BEND5: variants seen among roughly 807,000 people sequenced by gnomAD.
The protein encoded by BEND5 is BEN domain containing 5.
BEND5 carries 22 observed loss-of-function variants against 43.9 expected under a neutral mutation model. The ratio of observed to expected loss-of-function variants is 0.50; its 90% CI spans 0.36 to 0.72. The LOEUF is 0.72. Among genes scored for constraint, BEND5 ranks in the 30% least tolerant of loss-of-function variants. BEND5 has a pLI of 0.00. For synonymous variants in BEND5, 228 were observed against 225.9 expected, an observed-to-expected ratio of 1.01 and a Z score of -0.08; for missense variants, 428 against 550.6, an observed-to-expected ratio of 0.78 and a Z score of 2.23.
intron 1 of BEND5, among the ~76,000 whole-genome samples, chr1:48,774,693 G>T (rs1054907476): frequency 1.3e-5 from 2 of 152,210 alleles, no homozygotes; most frequent in Non-Finnish European, 2.9e-5. Flanking sequence ...ACAGCTACAT[G>T]TATCTTGCTT....
intron 5 of BEND5, among the ~76,000 whole-genome samples, chr1:48,729,305 C>T (rs2148549155): frequency 6.6e-6 from 1 of 152,196 alleles, no homozygotes. Flanking sequence ...AATGCTTTTC[C>T]AGGGATACCT....
chr1:48,755,604 C>T (rs1652428440), intron 3 of BEND5, among the ~76,000 whole-genome samples: 1 of 152,192 alleles, frequency 6.6e-6, no homozygotes, highest in African/African-American at 2.4e-5. Flanking sequence ...GAGAGTCAAA[C>T]AAGGGTCTCT....
intron 4 of BEND5, among the ~76,000 whole-genome samples, chr1:48,738,370 G>A (rs987981296): frequency 2.0e-5 from 3 of 152,184 alleles, no homozygotes; most frequent in Non-Finnish European, 1.5e-5. Flanking sequence ...CTGTTCATCC[G>A]CTCAGGAAAG....
chr1:48,759,831 C>G (rs2148658660), intron 2 of BEND5, among the ~76,000 whole-genome samples: 1 of 152,350 alleles, frequency 6.6e-6, no homozygotes. Context: ...CTCTAATCTA[C>G]TCTAATCTAG....
chr1:48,756,296 C>G (rs72681062), intron 3 of BEND5, among the ~76,000 whole-genome samples: 16,447 of 152,172 alleles, frequency 0.11, 1,397 homozygotes, highest in African/African-American at 0.23. Flanking sequence ...CTTCTCTGAC[C>G]CCTCAAAATC....
chr1:48,750,226 C>G (rs1651469891), intron 3 of BEND5, among the ~76,000 whole-genome samples: 1 of 152,144 alleles, frequency 6.6e-6, no homozygotes. Flanking sequence ...CACCCCAGCC[C>G]ACTCCAATGG....
chr1:48,761,049 G>C, intron 2 of BEND5: 1 of 299,180 alleles, frequency 3.3e-6, no homozygotes, highest in South Asian at 5.7e-5. Context: ...CAGAGCTGTG[G>C]GCCAAGGAGA....
At chr1:48,771,940 T>C (rs894661640) in intron 1 of BEND5, among the ~76,000 whole-genome samples, 5 of 152,230 alleles carry the variant, frequency 3.3e-5, no homozygotes, top group African/African-American at 1.2e-4. Flanking sequence ...TGAACAAAGT[T>C]GAATGAAAAC....
chr1:48,763,399 G>T (rs1181651555), intron 1 of BEND5, among the ~76,000 whole-genome samples: 1 of 152,142 alleles, frequency 6.6e-6, no homozygotes, highest in Admixed American at 6.5e-5. Flanking sequence ...TGACTTCTAA[G>T]TCAAAAGGCT....
At chr1:48,774,695 A>G (rs1181943010) in intron 1 of BEND5, among the ~76,000 whole-genome samples, 1 of 152,232 alleles carries the variant, frequency 6.6e-6, no homozygotes, top group Non-Finnish European at 1.5e-5. Context: ...AGCTACATGT[A>G]TCTTGCTTCT....
intron 1 of BEND5, among the ~76,000 whole-genome samples, chr1:48,775,136 T>G (rs1180588609): frequency 6.6e-6 from 1 of 152,188 alleles, no homozygotes; most frequent in African/African-American, 2.4e-5. Context: ...TTTTCTAAAA[T>G]CTGCTTCCCC....
intron 3 of BEND5, among the ~76,000 whole-genome samples, chr1:48,744,773 G>T (rs1650465060): frequency 6.6e-6 from 1 of 152,142 alleles, no homozygotes; most frequent in Admixed American, 6.5e-5. Flanking sequence ...GCCTCCATAA[G>T]GCCCAGAACA....
At chr1:48,741,966 C>CTT (rs769398110) in intron 4 of BEND5, among the ~76,000 whole-genome samples, 2 of 152,210 alleles carry the variant, frequency 1.3e-5, no homozygotes, top group Non-Finnish European at 2.9e-5. Flanking sequence ...CATCATGTGA[C>CTT]TTTAAGATTT....
At chr1:48,765,590 A>T (rs1220492362) in intron 1 of BEND5, among the ~76,000 whole-genome samples, 2 of 152,214 alleles carry the variant, frequency 1.3e-5, no homozygotes, top group East Asian at 3.8e-4. Flanking sequence ...ATGAAAACAT[A>T]TACCCAAACA....
intron 3 of BEND5, among the ~76,000 whole-genome samples, chr1:48,754,367 A>G (rs1652203116): frequency 1.3e-5 from 2 of 152,170 alleles, no homozygotes; most frequent in Admixed American, 6.5e-5. Flanking sequence ...TTGTTTTTTA[A>G]AAAGGCACTC....
Position 48,742,691 on chromosome 1 carries a change from C to T in BEND5, c.826G>A (p.Ala276Thr). The T allele has an allele frequency of 5.0e-6, 8 of 1,611,476 alleles. No individual in the cohort carries two copies. The highest frequency in any genetic ancestry group is 6.8e-6 in the Non-Finnish European group (8 of 1,178,760). ...PELRSTFSEE[A>T]NTSSYYPAPA... is the part of the protein sequence containing the mutation. ...GCGGGGTAATAGGACGACGTATTTG[C>T]TTCCTCACTGAAAGTGCTCCGTAAC... The change falls in exon 4 of 6, where the codon GCA (alanine) becomes ACA (threonine). Residue 276 changes from alanine (A) to threonine (T), a missense_variant. By Grantham distance (58) the Ala-to-Thr change is moderately conservative. Transcript: ENST00000371833.
At chr1:48,743,930 G>A (rs1328543157) in intron 3 of BEND5, among the ~76,000 whole-genome samples, 2 of 152,186 alleles carry the variant, frequency 1.3e-5, no homozygotes, top group South Asian at 2.1e-4. Flanking sequence ...ACTGAAAGAC[G>A]AAGTCTCTGT....
Position 48,750,241 on chromosome 1 carries a change from G to C in BEND5, c.746-7470C>G, listed in dbSNP as rs547360611. 7.2e-5 allele frequency among the ~76,000 whole-genome samples: 11 copies of C among 152,314 alleles called. No homozygotes were observed. The East Asian group carries it at 2.1e-3, about 29-fold the overall frequency. ...CACCCCAGCCCACTCCAATGGGGAA[G>C]TGCCCCCATGAACCACCTGTAGGAG... On this transcript the variant is annotated intron_variant, in intron 3 of 5. Coordinates refer to ENST00000371833, the MANE Select transcript of BEND5 (RefSeq NM_024603.4).
At chr1:48,741,061 C>A (rs949054982) in intron 4 of BEND5, among the ~76,000 whole-genome samples, 5 of 152,148 alleles carry the variant, frequency 3.3e-5, no homozygotes, top group Admixed American at 3.3e-4. Context: ...GCTATCTTTG[C>A]AAAAGAGGCC....
Sources: allele counts gnomAD v4.1 joint callset (sites outside exome capture counted in the v4.1 genomes callset), GRCh38; gene constraint gnomAD v4.1.1; transcripts MANE v1.5; gene names NCBI Gene and HGNC (gene_info 2026-07-23, HGNC 2026-07-21).